The following FRMD6 variants were observed in gnomAD, a reference collection of about 807,000 sequenced individuals.
The protein encoded by FRMD6 is FERM domain-containing protein 6.
A neutral mutation model predicts 73.2 loss-of-function variants in FRMD6; 37 were observed. The observed-to-expected ratio is 0.51, with a 90% confidence interval of 0.39 to 0.66. FRMD6 has a LOEUF of 0.66. FRMD6 is among the 30% of genes least tolerant of loss of function. FRMD6 has a pLI of 0.00. For synonymous variants in FRMD6, 273 were observed against 282.2 expected, an observed-to-expected ratio of 0.97 and a Z score of 0.33; for missense variants, 714 against 780.5, an observed-to-expected ratio of 0.91 and a Z score of 1.02.
At chr14:51,482,663 C>T in the FRMD6 span, among the ~76,000 whole-genome samples, 24 of 111,160 alleles carry the variant, frequency 2.2e-4, no homozygotes, top group Non-Finnish European at 2.8e-4. Context: ...GGAGAAGGAA[C>T]TTTGCAGGAA....
At chr14:51,717,927 G>T (rs1270291429) in intron 10 of FRMD6, among the ~76,000 whole-genome samples, 2 of 152,156 alleles carry the variant, frequency 1.3e-5, no homozygotes, top group Admixed American at 6.5e-5. Flanking sequence ...TTATTCAACA[G>T]CTGGAGCTTA....
chr14:51,456,314 CT>C, the FRMD6 span, among the ~76,000 whole-genome samples: 1 of 152,118 alleles, frequency 6.6e-6, no homozygotes, highest in East Asian at 1.9e-4. Flanking sequence ...CCCTCGCCCC[CT>C]GACAGGCCCC....
chr14:51,453,698 C>A, the FRMD6 span, among the ~76,000 whole-genome samples: 1 of 152,162 alleles, frequency 6.6e-6, no homozygotes. Flanking sequence ...TGTGTGCACA[C>A]ACACAGACAC....
the FRMD6 span, among the ~76,000 whole-genome samples, chr14:51,453,663 G>A: frequency 6.6e-6 from 1 of 152,218 alleles, no homozygotes; most frequent in Admixed American, 6.5e-5. Context: ...TCTCACACAT[G>A]CATGCACACA....
At chr14:51,482,534 G>T in the FRMD6 span, among the ~76,000 whole-genome samples, 1 of 152,178 alleles carries the variant, frequency 6.6e-6, no homozygotes, top group African/African-American at 2.4e-5. Context: ...TGCTCGGAGA[G>T]AATCACCGGG....
intron 1 of FRMD6, among the ~76,000 whole-genome samples, chr14:51,548,981 A>T (rs773350729): frequency 1.3e-5 from 2 of 152,226 alleles, no homozygotes; most frequent in Non-Finnish European, 2.9e-5. Flanking sequence ...GATGTAATCC[A>T]TGGTTAGAAT....
chr14:51,410,770 C>G, the FRMD6 span, among the ~76,000 whole-genome samples: 1 of 152,108 alleles, frequency 6.6e-6, no homozygotes, highest in African/African-American at 2.4e-5. Flanking sequence ...TTCCAAAAAA[C>G]AGAATTATTT....
intron 2 of FRMD6, among the ~76,000 whole-genome samples, chr14:51,605,155 T>G (rs1890201845): frequency 6.7e-6 from 1 of 149,816 alleles, no homozygotes; most frequent in Non-Finnish European, 1.5e-5. Context: ...TTTTTTTTTT[T>G]TTTATTGATC....
intron 1 of FRMD6, among the ~76,000 whole-genome samples, chr14:51,549,595 C>CTTTTTTTTTTTTTTTTTTTTTTTTT (rs35356416): frequency 1.0e-5 from 1 of 98,010 alleles, no homozygotes; most frequent in African/African-American, 4.1e-5. Flanking sequence ...TTTTTTCTTT[C>CTTTTTTTTTTTTTTTTTTTTTTTTT]TTTTTTTTTT....
intron 1 of FRMD6, among the ~76,000 whole-genome samples, chr14:51,563,060 G>C (rs927909583): frequency 7.9e-5 from 12 of 152,210 alleles, no homozygotes; most frequent in Admixed American, 2.6e-4. Context: ...AGAGAGCACA[G>C]TAGGCTGCTG....
chr14:51,706,970 G>A (rs1006929942), intron 6 of FRMD6, among the ~76,000 whole-genome samples: 9 of 152,046 alleles, frequency 5.9e-5, no homozygotes, highest in Admixed American at 5.9e-4. Context: ...TTGTCATCAG[G>A]TGCTCATTGA....
At chr14:51,593,830 C>T (rs1328513013) in intron 2 of FRMD6, among the ~76,000 whole-genome samples, 5 of 151,968 alleles carry the variant, frequency 3.3e-5, no homozygotes, top group Admixed American at 6.6e-5. Context: ...TATATAAATA[C>T]ACACATATAT....
intron 1 of FRMD6, among the ~76,000 whole-genome samples, chr14:51,492,746 T>G (rs1883090014): frequency 6.6e-6 from 1 of 152,164 alleles, no homozygotes; most frequent in African/African-American, 2.4e-5. Flanking sequence ...ACTATCCTCT[T>G]TACATGTGAT....
Position 51,689,885 on chromosome 14 carries a change from A to G in FRMD6, c.49A>G (p.Ser17Gly). ...CAACAGAGTCATGCAAGACCGCCGC[A>G]GTGTGTGCATTTTCCTTCCCAACGA... ...HNNRVMQDRR[S>G]VCIFLPNDES... is the part of the protein sequence containing the mutation. Residue 17 changes from serine to glycine, a missense_variant, in exon 2 of 14, where the codon AGT becomes GGT. Physicochemically the swap from Ser to Gly is moderately conservative, Grantham distance 56. Coordinates refer to ENST00000344768, the MANE Select transcript of FRMD6 (RefSeq NM_001267046.2). 6.2e-7 allele frequency: 1 copy of G among 1,613,774 alleles called. No homozygotes were observed. The highest frequency in any genetic ancestry group is 8.5e-7 in the Non-Finnish European group (1 of 1,179,728).
intron 1 of FRMD6, among the ~76,000 whole-genome samples, chr14:51,667,309 C>G (rs1415870014): frequency 6.6e-6 from 1 of 151,718 alleles, no homozygotes; most frequent in Non-Finnish European, 1.5e-5. Context: ...TGGATAGCAC[C>G]TTTATTTAAT....
intron 6 of FRMD6, among the ~76,000 whole-genome samples, chr14:51,705,821 G>A (rs1195882522): frequency 6.6e-6 from 1 of 152,034 alleles, no homozygotes; most frequent in Non-Finnish European, 1.5e-5. Context: ...CACTACTTTT[G>A]CTTTATATTG....
chr14:51,420,123 G>A, the FRMD6 span, among the ~76,000 whole-genome samples: 1 of 152,136 alleles, frequency 6.6e-6, no homozygotes, highest in South Asian at 2.1e-4. Context: ...GCATGTCAAG[G>A]CCCAAGGCAA....
At chr14:51,676,241 T>C (rs1894384390) in intron 1 of FRMD6, among the ~76,000 whole-genome samples, 1 of 152,164 alleles carries the variant, frequency 6.6e-6, no homozygotes, top group African/African-American at 2.4e-5. Context: ...GATGAAGTCA[T>C]CTCTAAAATC....
At chr14:51,721,712 A>AAGGAAGGG (rs1897592822) in intron 11 of FRMD6, among the ~76,000 whole-genome samples, 1 of 111,478 alleles carries the variant, frequency 9.0e-6, no homozygotes, top group African/African-American at 3.4e-5. Flanking sequence ...GGAAGGAAGG[A>AAGGAAGGG]AGGAAGGGAG....
Sources: gnomAD v4.1 joint callset for allele counts (sites outside exome capture counted in the v4.1 genomes callset) on GRCh38, gnomAD v4.1.1 for gene constraint, MANE v1.5 for transcripts, NCBI Gene and HGNC (gene_info 2026-07-23, HGNC 2026-07-21) for gene names.